Variants in XRCC4 observed in about 807,000 individuals in gnomAD.
XRCC4 encodes DNA repair protein XRCC4.
In XRCC4, 28 loss-of-function variants were observed where a neutral mutation model predicts 39.1. The ratio of observed to expected loss-of-function variants is 0.72; its 90% CI spans 0.53 to 0.98. The LOEUF (loss-of-function observed/expected upper bound fraction) is 0.98, where lower values mean the gene tolerates loss of function less well. Ranked by LOEUF, XRCC4 falls within the 50% of genes least tolerant of loss-of-function variation. XRCC4 has a pLI of 0.00. For missense variants in XRCC4, 350 were observed against 376.4 expected (o/e 0.93, Z 0.58); for synonymous variants, 123 against 126.4 (o/e 0.97, Z 0.18).
intron 7 of XRCC4, among the ~76,000 whole-genome samples, chr5:83,273,004 T>C (rs1189388265): frequency 6.6e-6 from 1 of 152,188 alleles, no homozygotes; most frequent in Non-Finnish European, 1.5e-5. Context: ...ATCACCACAC[T>C]GTCTTCCACA....
chr5:83,174,181 A>G (rs1057117355), intron 3 of XRCC4, among the ~76,000 whole-genome samples: 3 of 152,176 alleles, frequency 2.0e-5, no homozygotes, highest in South Asian at 4.1e-4. Context: ...TTAAGAATGC[A>G]TATTCTGTAG....
the XRCC4 span, among the ~76,000 whole-genome samples, chr5:83,367,053 C>G: frequency 1.3e-5 from 2 of 152,282 alleles, no homozygotes; most frequent in African/African-American, 4.8e-5. Flanking sequence ...TCTCCTACAA[C>G]TTTGTTGCCT....
chr5:83,303,890 T>C (rs1755385427), intron 7 of XRCC4, among the ~76,000 whole-genome samples: 1 of 152,124 alleles, frequency 6.6e-6, no homozygotes, highest in East Asian at 1.9e-4. Flanking sequence ...AAGGGAACAG[T>C]TTTTGAAAAT....
intron 5 of XRCC4, among the ~76,000 whole-genome samples, chr5:83,203,919 T>C (rs544048481): frequency 9.2e-5 from 14 of 152,090 alleles, no homozygotes; most frequent in Non-Finnish European, 1.6e-4. Context: ...TCACCTACAC[T>C]TAAATTAAAA....
intron 7 of XRCC4, among the ~76,000 whole-genome samples, chr5:83,295,111 G>A (rs1273458543): frequency 6.6e-6 from 1 of 151,992 alleles, no homozygotes; most frequent in Non-Finnish European, 1.5e-5. Context: ...CTGAGTAAAA[G>A]TAAAAGGATT....
intron 6 of XRCC4, among the ~76,000 whole-genome samples, chr5:83,249,747 A>G (rs916006751): frequency 6.6e-6 from 1 of 152,012 alleles, no homozygotes; most frequent in Non-Finnish European, 1.5e-5. Flanking sequence ...TTAGTCTGCC[A>G]ATTTTATCAG....
At chr5:83,271,616 A>G (rs1424163621) in intron 7 of XRCC4, among the ~76,000 whole-genome samples, 2 of 152,194 alleles carry the variant, frequency 1.3e-5, no homozygotes, top group Non-Finnish European at 2.9e-5. Flanking sequence ...TCTGTATTAT[A>G]TCAGATAAAT....
At chr5:83,101,349 G>A (rs979403324) in intron 1 of XRCC4, among the ~76,000 whole-genome samples, 3 of 151,946 alleles carry the variant, frequency 2.0e-5, no homozygotes, top group African/African-American at 7.3e-5. Context: ...ACAAATATAG[G>A]TATTTGCTTG....
At chr5:83,246,413 T>G (rs1753103133) in intron 6 of XRCC4, among the ~76,000 whole-genome samples, 1 of 152,154 alleles carries the variant, frequency 6.6e-6, no homozygotes, top group African/African-American at 2.4e-5. Flanking sequence ...ATTACAGACT[T>G]TTTTTAAGAA....
At chr5:83,296,035 G>A (rs561929411) in intron 7 of XRCC4, among the ~76,000 whole-genome samples, 21 of 152,176 alleles carry the variant, frequency 1.4e-4, no homozygotes, top group African/African-American at 5.1e-4. Flanking sequence ...TGAAAATAGA[G>A]TTTGATGCTT....
At chr5:83,200,066 A>T (rs1751118923) in intron 4 of XRCC4, among the ~76,000 whole-genome samples, 1 of 152,106 alleles carries the variant, frequency 6.6e-6, no homozygotes, top group Admixed American at 6.5e-5. Context: ...GTTCCTGTCC[A>T]ATTTCTTGAG....
In XRCC4 at chr5:83,279,186, G is replaced by A. The variant is rs189729540; in HGVS notation, c.893+20509G>A. 8.2e-4 allele frequency among the ~76,000 whole-genome samples: 124 copies of A among 150,740 alleles called. 2 individuals are homozygous for A. Among genetic ancestry groups the A allele is most frequent in the Admixed American group, 8.0e-4 (12 of 15,054 alleles). On this transcript the variant is annotated intron_variant, in intron 7 of 7. Transcript: ENST00000396027. Reference sequence around the variant, plus strand: ...TGAAAAATAGGGATGCATAGTGCTGGATACATATCAATCAACTTATCTTCA... The same window carrying A: ...TGAAAAATAGGGATGCATAGTGCTGAATACATATCAATCAACTTATCTTCA...
rs573912196 is a variant in XRCC4, at chr5:83,131,448, T to A, written c.315+20245T>A. Among the ~76,000 whole-genome samples, 15 of 152,300 alleles carry A rather than the reference T, an allele frequency of 9.8e-5. No individual in the cohort carries two copies. The South Asian group carries it at 3.1e-3, about 32-fold the overall frequency. ...TGGGTATCTTTGTTAACTTTCTGTC[T>A]CATTGATCTGTCTAATGTTGACAGT... On this transcript the variant is annotated intron_variant, in intron 3 of 7. Transcript: ENST00000396027.
intron 6 of XRCC4, among the ~76,000 whole-genome samples, chr5:83,218,214 C>T (rs1751944481): frequency 9.8e-6 from 1 of 101,914 alleles, no homozygotes; most frequent in African/African-American, 3.8e-5. Context: ...GCTATCCCTC[C>T]CCCCTCCCCC....
Position 83,203,573 on chromosome 5 carries a change from T to C in XRCC4, c.504T>C (p.Ala168=), listed in dbSNP as rs1751296270. 6.3e-7 allele frequency: 1 copy of C among 1,595,808 alleles called. No individual in the cohort carries two copies. The highest frequency in any genetic ancestry group is 8.5e-7 in the Non-Finnish European group (1 of 1,174,812). The part of the protein sequence containing the change: ...VQGRFEKCVS[A]KEALETDLYK... Reference sequence around the variant, plus strand: ...TTAGATTTGAAAAATGTGTGAGTGCTAAGGAAGCTTTGGAGACTGATCTTT... The same window carrying C: ...TTAGATTTGAAAAATGTGTGAGTGCCAAGGAAGCTTTGGAGACTGATCTTT... Residue 168 remains alanine (A), a synonymous_variant, in exon 5 of 8, where the codon GCT becomes GCC. Transcript: ENST00000396027.
intron 1 of XRCC4, among the ~76,000 whole-genome samples, chr5:83,078,368 C>A (rs1045293272): frequency 1.3e-5 from 2 of 152,170 alleles, no homozygotes; most frequent in East Asian, 3.8e-4. Context: ...CTCTTTGCCC[C>A]CTTATGGCAA....
chr5:83,264,798 C>G (rs1753897572), intron 7 of XRCC4, among the ~76,000 whole-genome samples: 1 of 151,990 alleles, frequency 6.6e-6, no homozygotes, highest in Non-Finnish European at 1.5e-5. Flanking sequence ...CTTTGGAAGA[C>G]TATGTTTTAA....
chr5:83,130,919 A>G (rs1287655717), intron 3 of XRCC4, among the ~76,000 whole-genome samples: 1 of 152,186 alleles, frequency 6.6e-6, no homozygotes, highest in Non-Finnish European at 1.5e-5. Flanking sequence ...TCAAAAAACC[A>G]TCTCCTGGAT....
In XRCC4 at chr5:83,105,035, G is replaced by T; in HGVS notation, c.116G>T (p.Gly39Val). ...ESGFVITLTD[G>V]HSAWTGTVSE... ...GGTTTTGTTATTACACTTACTGATG[G>T]TCATTCAGCATGGACTGGGACAGGT... is the stretch of plus-strand genomic sequence containing the variant. Residue 39 changes from glycine to valine, a missense_variant, in exon 2 of 8, where the codon GGT (glycine) becomes GTT (valine). Coordinates refer to ENST00000396027, the MANE Select transcript of XRCC4 (RefSeq NM_003401.5). 6.2e-7 allele frequency: 1 copy of T among 1,612,984 alleles called. No individual in the cohort carries two copies. The highest frequency in any genetic ancestry group is 8.5e-7 in the Non-Finnish European group (1 of 1,179,564).
Sources: allele counts gnomAD v4.1 joint callset (sites outside exome capture counted in the v4.1 genomes callset), GRCh38; gene constraint gnomAD v4.1.1; transcripts MANE v1.5; gene names NCBI Gene and HGNC (gene_info 2026-07-23, HGNC 2026-07-21).